The following DLG1 variants were observed in gnomAD, a reference collection of about 807,000 sequenced individuals.
The protein encoded by DLG1 is discs large MAGUK scaffold protein 1.
A neutral mutation model predicts 123.4 loss-of-function variants in DLG1; 42 were observed. The ratio of observed to expected loss-of-function variants is 0.34; its 90% confidence interval spans 0.27 to 0.44. The LOEUF is 0.44. DLG1 is among the 20% of genes least tolerant of loss of function. The pLI is 1.00. For synonymous variants in DLG1, 317 were observed against 356.2 expected (o/e 0.89, Z 1.24); for missense variants, 942 against 1,082.6 (o/e 0.87, Z 1.82).
At chr3:197,230,391 CCCAA>C (rs1561574641) in intron 4 of DLG1, among the ~76,000 whole-genome samples, 1 of 152,098 alleles carries the variant, frequency 6.6e-6, no homozygotes, top group African/African-American at 2.4e-5. Context: ...AAGAGCAACA[CCCAA>C]CCAAACTCCT....
In DLG1 at chr3:197,048,488, A is replaced by G. The variant is rs147319270; in HGVS notation, c.2575+3089T>C. ...TCTGTCACAAACACACACGCAAACCATAATGAAATATCACCTTAGACCTGT... is the reference window on the plus strand; with the variant it reads ...TCTGTCACAAACACACACGCAAACCGTAATGAAATATCACCTTAGACCTGT... On this transcript the variant is annotated intron_variant, in intron 24 of 24. Coordinates refer to ENST00000667157, the MANE Select transcript of DLG1 (RefSeq NM_001366207.1). Among the ~76,000 whole-genome samples, 696 of 152,278 alleles carry G rather than the reference A, an allele frequency of 4.6e-3. 5 individuals carry two copies. The highest frequency in any genetic ancestry group is 0.016 in the African/African-American group (654 of 41,548).
chr3:197,246,729 AAGAC>A lies in DLG1; in HGVS notation c.318+35946_318+35949del, dbSNP rs1200226315. ...TGATTTTTCTAGGGATGGCAGCGCT[AAGAC>A]AGGAATAGCGATGGGTAGGTGTTTT... On this transcript the variant is annotated intron_variant, in intron 4 of 24. Transcript: ENST00000667157. 2.0e-5 allele frequency among the ~76,000 whole-genome samples: 3 copies of A among 152,178 alleles called. No individual in the cohort carries two copies. The East Asian group carries it at 5.8e-4, about 29-fold the overall frequency.
intron 4 of DLG1, among the ~76,000 whole-genome samples, chr3:197,234,193 T>C (rs1744752285): frequency 6.6e-6 from 1 of 152,194 alleles, no homozygotes; most frequent in South Asian, 2.1e-4. Context: ...CCCAGGTATT[T>C]AGTCTAATTT....
intron 11 of DLG1, 137 bp from the exon 12 acceptor site, chr3:197,119,667 C>A: frequency 3.4e-6 from 3 of 873,708 alleles, no homozygotes; most frequent in Non-Finnish European, 4.8e-6. Flanking sequence ...ACTCATCAGC[C>A]AAAAAACTGG....
intron 4 of DLG1, among the ~76,000 whole-genome samples, chr3:197,207,086 G>A (rs1728919055): frequency 6.6e-6 from 1 of 152,144 alleles, no homozygotes; most frequent in African/African-American, 2.4e-5. Flanking sequence ...TCTGTGATGC[G>A]GTGGCGGAGC....
intron 4 of DLG1, among the ~76,000 whole-genome samples, chr3:197,270,934 A>G (rs940155837): frequency 4.6e-5 from 7 of 152,250 alleles, no homozygotes; most frequent in Admixed American, 3.3e-4. Flanking sequence ...AACAAATGAG[A>G]CAAATAAAGA....
chr3:197,221,924 G>A (rs1412252290), intron 4 of DLG1, among the ~76,000 whole-genome samples: 2 of 152,182 alleles, frequency 1.3e-5, no homozygotes, highest in Non-Finnish European at 2.9e-5. Context: ...AGTGGTGTAT[G>A]TAGTATTTGC....
intron 5 of DLG1, chr3:197,183,721 GGCCTGCTGA>G: frequency 6.4e-7 from 1 of 1,550,450 alleles, no homozygotes; most frequent in Non-Finnish European, 8.7e-7. Flanking sequence ...TTCTGCTTTG[GGCCTGCTGA>G]GCCATGGCTA....
Position 197,286,189 on chromosome 3 carries a change from T to C in DLG1, c.152-3344A>G, listed in dbSNP as rs1345454959. ...CAAAACTATGGAGACAGTAAAAAGA[T>C]CAGTGGTTTTCAGGAGTTTGTGTGG... On this transcript the variant is annotated intron_variant, in intron 3 of 24. Coordinates refer to ENST00000667157, the MANE Select transcript of DLG1 (RefSeq NM_001366207.1). 3.5e-4 allele frequency among the ~76,000 whole-genome samples: 53 copies of C among 152,124 alleles called. 1 individual carries two copies. Among genetic ancestry groups the C allele is most frequent in the Non-Finnish European group, 1.5e-5 (1 of 68,006 alleles).
intron 16 of DLG1, among the ~76,000 whole-genome samples, chr3:197,084,084 G>A (rs1382267088): frequency 6.6e-6 from 1 of 152,090 alleles, no homozygotes; most frequent in Non-Finnish European, 1.5e-5. Context: ...AGGAAAAAGA[G>A]AAGTGAAGCG....
At chr3:197,250,926 T>C (rs1010847680) in intron 4 of DLG1, among the ~76,000 whole-genome samples, 3 of 137,676 alleles carry the variant, frequency 2.2e-5, no homozygotes, top group Non-Finnish European at 1.5e-5. Context: ...AAGGTTGCAG[T>C]GAGCCAAGAT....
At chr3:197,258,367 C>T (rs1757764074) in intron 4 of DLG1, among the ~76,000 whole-genome samples, 1 of 127,572 alleles carries the variant, frequency 7.8e-6, no homozygotes. Flanking sequence ...CATCTCACAA[C>T]CTTGTCATTT....
rs561475419 is a variant in DLG1, at chr3:197,287,631, AAGG to A, written c.152-4789_152-4787del. On this transcript the variant is annotated intron_variant, in intron 3 of 24. Transcript: ENST00000667157. The stretch of plus-strand genomic sequence containing the variant: ...TTTTATACCTCTAAGAAAAAGGAAA[AAGG>A]AGGAGGAAGGGGCACAAATTAAACA... Among the ~76,000 whole-genome samples, 839 of 152,320 alleles carry A rather than the reference AAGG, an allele frequency of 5.5e-3. 6 individuals are homozygous for A. The highest frequency in any genetic ancestry group is 7.7e-3 in the Non-Finnish European group (527 of 68,024).
intron 4 of DLG1, among the ~76,000 whole-genome samples, chr3:197,236,902 T>C (rs1229230689): frequency 6.6e-6 from 1 of 152,238 alleles, no homozygotes; most frequent in Admixed American, 6.5e-5. Flanking sequence ...CCATAATGAA[T>C]TCTGTTACTA....
intron 4 of DLG1, among the ~76,000 whole-genome samples, chr3:197,260,748 AC>A (rs1165875194): frequency 2.0e-5 from 2 of 101,086 alleles, no homozygotes; most frequent in African/African-American, 4.0e-5. Flanking sequence ...AATGACAACC[AC>A]CAAAAAAAAA....
intron 4 of DLG1, among the ~76,000 whole-genome samples, chr3:197,272,797 T>C (rs1013697314): frequency 1.3e-5 from 2 of 152,158 alleles, no homozygotes; most frequent in South Asian, 2.1e-4. Flanking sequence ...AACTAATCTA[T>C]GATGTTGGAA....
chr3:197,065,588 G>T, intron 21 of DLG1, 120 bp downstream of exon 21: 1 of 992,998 alleles, frequency 1.0e-6, no homozygotes, highest in Non-Finnish European at 1.5e-6. Context: ...TATGGAGGAT[G>T]GAAGAGTAAC....
At position 197,065,688 on chromosome 3, in the gene DLG1, T is replaced by G. The variant is rs757552102; in HGVS notation, c.2200+20A>C. Reference sequence around the variant, plus strand: ...AAATGTTAAGAGTAACAATTAAATGTTTTTGTTTGGTTTACTTACGAGGAA... The same window carrying G: ...AAATGTTAAGAGTAACAATTAAATGGTTTTGTTTGGTTTACTTACGAGGAA... On this transcript the variant is annotated intron_variant, in intron 21 of 24. Transcript: ENST00000667157. 5 of 1,514,138 alleles carry G rather than the reference T, an allele frequency of 3.3e-6. No individual in the cohort carries two copies. In the African/African-American group the frequency reaches 6.9e-5, roughly 21 times the overall value. 93.8% of individuals were successfully genotyped at this position (1,514,138 alleles called of 1,614,324 possible).
intron 5 of DLG1, among the ~76,000 whole-genome samples, chr3:197,158,132 TACAG>T (rs1192680969): frequency 2.0e-5 from 3 of 152,074 alleles, no homozygotes; most frequent in South Asian, 4.1e-4. Context: ...AAGGAACTCA[TACAG>T]ACATTTTCCC....
Sources: gnomAD v4.1 joint callset for allele counts (sites outside exome capture counted in the v4.1 genomes callset) on GRCh38, gnomAD v4.1.1 for gene constraint, MANE v1.5 for transcripts, NCBI Gene and HGNC (gene_info 2026-07-23, HGNC 2026-07-21) for gene names.